Variants in ZDHHC20 observed in about 807,000 individuals in gnomAD.
ZDHHC20 encodes the protein zDHHC palmitoyltransferase 20.
ZDHHC20 carries 43 observed loss-of-function variants against 57.8 expected under a neutral mutation model. The ratio of observed to expected loss-of-function variants is 0.74; its 90% CI spans 0.58 to 0.96. ZDHHC20 has a LOEUF of 0.96. Ranked by LOEUF, ZDHHC20 falls within the 40% of genes least tolerant of loss-of-function variation. The pLI is 0.00. For synonymous variants in ZDHHC20, 157 were observed against 153.0 expected (o/e 1.03, Z -0.19); for missense variants, 391 against 441.1 (o/e 0.89, Z 1.02).
chr13:21,386,131 C>T (rs1439472679), intron 9 of ZDHHC20, among the ~76,000 whole-genome samples: 1 of 152,008 alleles, frequency 6.6e-6, no homozygotes, highest in African/African-American at 2.4e-5. Context: ...ATAAAGTATA[C>T]AAAAGAGATC....
intron 10 of ZDHHC20, among the ~76,000 whole-genome samples, chr13:21,382,554 TATA>T (rs1447683710): frequency 6.6e-6 from 1 of 152,250 alleles, no homozygotes; most frequent in Non-Finnish European, 1.5e-5. Flanking sequence ...TGGTGATTAG[TATA>T]ATGACTAATT....
intron 1 of ZDHHC20, among the ~76,000 whole-genome samples, chr13:21,441,385 TTCTC>T (rs774502761): frequency 2.0e-5 from 3 of 151,150 alleles, no homozygotes; most frequent in Admixed American, 6.6e-5. Context: ...CTATTTTCTT[TTCTC>T]TCTTTTTTTT....
Position 21,400,358 on chromosome 13 carries a change from GA to G in ZDHHC20, c.594+14del, listed in dbSNP as rs772913553. ...AGTCTTAAATACATGTTTCAAGATA[GA>G]AAAAAAGACTTACCGTCCAAAATTT... On this transcript the variant is annotated intron_variant, in intron 7 of 12. Transcript: ENST00000400590. 5.1e-6 allele frequency: 8 copies of G among 1,569,768 alleles called. No homozygotes were observed. The Admixed American group carries it at 6.4e-5, about 13-fold the overall frequency.
In ZDHHC20 at chr13:21,459,166, C is replaced by T. The variant is rs906977513; in HGVS notation, c.6G>A (p.Ala2=). The change falls in exon 1 of 13, where the codon GCG becomes GCA. Residue 2 remains alanine, a synonymous_variant. Transcript: ENST00000400590. The part of the protein sequence containing the change: M[A]PWTLWRCCQR... ...GGCAGCAGCGCCACAGCGTCCAGGG[C>T]GCCATGTTCCGCTGGCGGCTGCCGA... 6.3e-7 allele frequency: 1 copy of T among 1,598,180 alleles called. No homozygotes were observed.
chr13:21,418,547 A>G (rs931081198), intron 3 of ZDHHC20, among the ~76,000 whole-genome samples: 3 of 151,580 alleles, frequency 2.0e-5, no homozygotes, highest in African/African-American at 7.3e-5. Context: ...TACTAGTATC[A>G]CCCTCACTTT....
intron 1 of ZDHHC20, among the ~76,000 whole-genome samples, chr13:21,457,034 C>T (rs1884986372): frequency 6.6e-6 from 1 of 152,190 alleles, no homozygotes; most frequent in African/African-American, 2.4e-5. Flanking sequence ...GATACCTATG[C>T]TGTGACATAC....
rs747307477 is a variant in ZDHHC20, at chr13:21,414,527, A to ATTTTTTTTTTTTTT, written c.250-769_250-756dup. 2.6e-3 allele frequency among the ~76,000 whole-genome samples: 277 copies of ATTTTTTTTTTTTTT among 107,428 alleles called. 15 individuals carry two copies. The highest frequency in any genetic ancestry group is 3.4e-3 in the Non-Finnish European group (165 of 49,218). 70.5% of individuals were successfully genotyped at this position (107,428 alleles called of 152,430 possible). ...AGGCGCACGCCACTATGCCCGGATA[A>ATTTTTTTTTTTTTT]TTTTTTTTTTTTTTTTTGTATTTTT... On this transcript the variant is annotated intron_variant, in intron 3 of 12. Transcript: ENST00000400590.
At chr13:21,450,425 T>C (rs909086360) in intron 1 of ZDHHC20, among the ~76,000 whole-genome samples, 2 of 152,186 alleles carry the variant, frequency 1.3e-5, no homozygotes, top group African/African-American at 4.8e-5. Context: ...CCAGAGAAGG[T>C]TGAGTTTATG....
intron 3 of ZDHHC20, among the ~76,000 whole-genome samples, chr13:21,420,423 A>G (rs575783470): frequency 6.6e-6 from 1 of 152,330 alleles, no homozygotes; most frequent in South Asian, 2.1e-4. Flanking sequence ...GAGAGATTAA[A>G]TTGTTAGAGC....
Position 21,459,134 on chromosome 13 carries a change from ACGCGCTGGCAGCAGCGCCACAG to A in ZDHHC20, c.16_37del (p.Leu6SerfsTer59). 1 of 1,605,542 alleles carries A rather than the reference ACGCGCTGGCAGCAGCGCCACAG, an allele frequency of 6.2e-7. No homozygotes were observed. The highest frequency in any genetic ancestry group is 8.5e-7 in the Non-Finnish European group (1 of 1,176,838). ...GAAGAGCACCGGCACCCAGCCCACGACGCGCTGGCAGCAGCGCCACAGCGTCCAGGGCGCCATGTTCCGCTGG... is the reference window on the plus strand; with the variant it reads ...GAAGAGCACCGGCACCCAGCCCACGACGTCCAGGGCGCCATGTTCCGCTGG... On this transcript the variant is annotated frameshift_variant, in exon 1 of 13. Coordinates refer to ENST00000400590, the MANE Select transcript of ZDHHC20 (RefSeq NM_001330059.2). LOFTEE classifies it high-confidence loss of function.
chr13:21,378,509 T>G (rs1289983704), intron 12 of ZDHHC20, among the ~76,000 whole-genome samples, 152 bp downstream of exon 12: 1 of 152,216 alleles, frequency 6.6e-6, no homozygotes, highest in African/African-American at 2.4e-5. Context: ...AAATGAGATT[T>G]GGGCAGATGT....
chr13:21,426,382 T>C (rs1437538291), intron 1 of ZDHHC20, among the ~76,000 whole-genome samples: 1 of 152,184 alleles, frequency 6.6e-6, no homozygotes, highest in African/African-American at 2.4e-5. Context: ...ATGTCACCTA[T>C]TCTTCAGTCC....
At chr13:21,397,034 C>A (rs1390196194) in intron 7 of ZDHHC20, among the ~76,000 whole-genome samples, 1 of 152,084 alleles carries the variant, frequency 6.6e-6, no homozygotes, top group Non-Finnish European at 1.5e-5. Context: ...ATAAAAAGTT[C>A]TTTATTTTAA....
intron 9 of ZDHHC20, among the ~76,000 whole-genome samples, chr13:21,385,900 G>C (rs534266220): frequency 6.6e-6 from 1 of 152,268 alleles, no homozygotes; most frequent in Admixed American, 6.5e-5. Flanking sequence ...ATAAAGATGG[G>C]AGTCAGGCTG....
At chr13:21,453,304 T>C (rs1485532950) in intron 1 of ZDHHC20, among the ~76,000 whole-genome samples, 1 of 152,184 alleles carries the variant, frequency 6.6e-6, no homozygotes, top group Admixed American at 6.5e-5. Flanking sequence ...ATTACACAGA[T>C]GTAAAATACG....
rs1316709873 is a variant in ZDHHC20, at chr13:21,374,854, C to T, written c.*1842G>A. Reference sequence around the variant, plus strand: ...AGGTACTCCAAAAAATTTACCGGGGCGGGGCGTGGTGGCTCACGCCTGTAA... The same window carrying T: ...AGGTACTCCAAAAAATTTACCGGGGTGGGGCGTGGTGGCTCACGCCTGTAA... On this transcript the variant is annotated 3_prime_UTR_variant, in exon 13 of 13. Transcript: ENST00000400590. 6.1e-5 allele frequency: 18 copies of T among 295,044 alleles called. No individual in the cohort carries two copies. Among genetic ancestry groups the T allele is most frequent in the South Asian group, 3.9e-4 (13 of 33,026 alleles). 18.3% of individuals were successfully genotyped at this position (295,044 alleles called of 1,614,324 possible). A position where few individuals can be genotyped will look rare whatever the true frequency, so the allele number is the denominator to read the frequency against.
chr13:21,458,159 T>C lies in ZDHHC20; in HGVS notation c.118+895A>G, dbSNP rs559572625. On this transcript the variant is annotated intron_variant, in intron 1 of 12. Transcript: ENST00000400590. The stretch of plus-strand genomic sequence containing the variant: ...TAGCAGTCACCCCTAAACAGTGTTT[T>C]TGATTAATGACAACCAATTTCCTTC... 2.0e-5 allele frequency among the ~76,000 whole-genome samples: 3 copies of C among 152,328 alleles called. No individual in the cohort carries two copies. In the South Asian group the frequency reaches 6.2e-4, roughly 32 times the overall value.
chr13:21,417,591 C>T (rs1880139796), intron 3 of ZDHHC20, among the ~76,000 whole-genome samples: 1 of 152,124 alleles, frequency 6.6e-6, no homozygotes, highest in Non-Finnish European at 1.5e-5. Context: ...AGGAGCATGC[C>T]ACCACACCCG....
At chr13:21,383,842 C>A (rs186594450) in intron 9 of ZDHHC20, among the ~76,000 whole-genome samples, 1 of 151,958 alleles carries the variant, frequency 6.6e-6, no homozygotes, top group African/African-American at 2.4e-5. Context: ...AAGAAGCTTG[C>A]GGTCTAAAAA....
Sources: gnomAD v4.1 joint callset for allele counts (sites outside exome capture counted in the v4.1 genomes callset) on GRCh38, gnomAD v4.1.1 for gene constraint, MANE v1.5 for transcripts, NCBI Gene and HGNC (gene_info 2026-07-23, HGNC 2026-07-21) for gene names.